The following C1RL variants were observed in gnomAD, a reference collection of about 807,000 sequenced individuals.
C1RL encodes complement C1r subcomponent-like protein.
Under a neutral mutation model 27.9 loss-of-function variants are expected in C1RL, and 27 were observed. The observed-to-expected ratio is 0.97, with a 90% CI of 0.71 to 1.33. The LOEUF is 1.33. C1RL is among the 40% of genes most tolerant of loss of function. The pLI, the probability that C1RL is intolerant of heterozygous loss-of-function variation, is 0.00. For synonymous variants in C1RL, 248 were observed against 252.1 expected, an observed-to-expected ratio of 0.98 and a Z score of 0.15; for missense variants, 563 against 623.9, an observed-to-expected ratio of 0.90 and a Z score of 1.04.
In C1RL at chr12:7,096,707, C is replaced by T. The variant is rs762191344; in HGVS notation, c.1148G>A (p.Gly383Asp). 2 of 1,613,952 alleles carry T rather than the reference C, an allele frequency of 1.2e-6. No homozygotes were observed. The highest frequency in any genetic ancestry group is 1.6e-4 in the Middle Eastern group (1 of 6,062). Residue 383 changes from glycine (G) to aspartate (D), a missense_variant, in exon 6 of 6, where the codon GGC (glycine) becomes GAC (aspartate). Physicochemically the swap from Gly to Asp is moderately conservative, Grantham distance 94. Transcript: ENST00000266542. ...GTACTTCAGCTCAGTAGTTAGCCAG[C>T]CCATCTCCATGCCAAACCCACTGAC... ...GYVSGFGMEMGWLTTELKYSR... is the reference protein window; with the variant it reads ...GYVSGFGMEMDWLTTELKYSR...
Position 7,096,949 on chromosome 12 carries a change from G to A in C1RL, c.906C>T (p.Phe302=). The change falls in exon 6 of 6, where the codon TTC becomes TTT. Residue 302 remains phenylalanine (F), a synonymous_variant. Transcript: ENST00000266542. ...SLRKNQSVNV[F]LGHTAIDEML... is the part of the protein sequence containing the mutation. ...TCTCATCTATGGCTGTGTGGCCCAA[G>A]AACACATTCACACTCTGGTTCTTCC... The A allele has an allele frequency of 6.2e-7, 1 of 1,613,072 alleles. No homozygotes were observed. The highest frequency in any genetic ancestry group is 8.5e-7 in the Non-Finnish European group (1 of 1,179,346).
Position 7,101,956 on chromosome 12 carries a change from G to A in C1RL, c.432C>T (p.Ser144=), listed in dbSNP as rs1938638949. The part of the protein sequence containing the change: ...SLRLTFRTQP[S]SENKTAHLHK... ...GGAGGTGGGCAGTCTTGTTCTCCGA[G>A]GAAGGCTGTGTGCGGAAGGTCAGCC... is the stretch of plus-strand genomic sequence containing the variant. The change falls in exon 3 of 6, where the codon TCC becomes TCT. Residue 144 remains serine, a synonymous_variant. Transcript: ENST00000266542. 2 of 1,614,128 alleles carry A rather than the reference G, an allele frequency of 1.2e-6. No individual in the cohort carries two copies. Among genetic ancestry groups the A allele is most frequent in the Admixed American group, 1.7e-5 (1 of 60,008 alleles).
At position 7,096,137 on chromosome 12, in the gene C1RL, G is replaced by C. The variant is rs1261282349; in HGVS notation, c.*254C>G. On this transcript the variant is annotated 3_prime_UTR_variant, in exon 6 of 6. Transcript: ENST00000266542. ...AGATGTACAGGCTTCCCGGGGCCTA[G>C]TGCATGAGCACAGGGAGGTAGAGGG... 6 of 1,273,782 alleles carry C rather than the reference G, an allele frequency of 4.7e-6. No individual in the cohort carries two copies. The highest frequency in any genetic ancestry group is 1.5e-5 in the African/African-American group (1 of 65,858). The allele number at this position is 1,273,782 out of a possible 1,614,324, so 78.9% of individuals were successfully genotyped here.
chr12:7,108,767 G>C (rs909108767), intron 1 of C1RL: 2 of 557,836 alleles, frequency 3.6e-6, no homozygotes, highest in Non-Finnish European at 6.3e-6. Flanking sequence ...TCCAAAGGAG[G>C]GGGGTGCTTT....
intron 5 of C1RL, 113 bp from the exon 6 acceptor site, chr12:7,097,276 T>A (rs1591595633): frequency 2.4e-6 from 2 of 846,620 alleles, no homozygotes; most frequent in Non-Finnish European, 1.7e-6. Context: ...GACTCTGGGA[T>A]CAGGACGTTT....
At position 7,104,602 on chromosome 12, in the gene C1RL, A is replaced by T. The variant is rs932822344; in HGVS notation, c.301-2515T>A. Among the ~76,000 whole-genome samples, 1 of 152,160 alleles carries T rather than the reference A, an allele frequency of 6.6e-6. No individual in the cohort carries two copies. The highest frequency in any genetic ancestry group is 2.1e-4 in the South Asian group (1 of 4,824). Reference sequence around the variant, plus strand: ...CAGTGTGAGTGAGTATGAGTGTGTGAGTGCGTCCTGAAACAGGATGGTGTC... The same window carrying T: ...CAGTGTGAGTGAGTATGAGTGTGTGTGTGCGTCCTGAAACAGGATGGTGTC... On this transcript the variant is annotated intron_variant, in intron 2 of 5. Transcript: ENST00000266542. This position sits in a 1 kb window ranked among gnomAD's most constrained non-coding sequence, Gnocchi z 5.4.
Position 7,099,719 on chromosome 12 carries a change from G to C in C1RL, c.658C>G (p.Gln220Glu). 1.3e-6 allele frequency: 2 copies of C among 1,562,174 alleles called. No individual in the cohort carries two copies. Among genetic ancestry groups the C allele is most frequent in the East Asian group, 2.4e-5 (1 of 42,266 alleles). The change falls in exon 5 of 6, where the codon CAG (glutamine) becomes GAG (glutamate). Residue 220 changes from glutamine to glutamate, a missense_variant. Gln to Glu is a conservative substitution (Grantham distance 29). Coordinates refer to ENST00000266542, the MANE Select transcript of C1RL (RefSeq NM_016546.4). The part of the protein sequence containing the change: ...CATPGTWKDR[Q>E]DGEEVLQCMP... ...CACTGAAGAACCTCCTCCCCATCCT[G>C]TCTGTCTTTCCAGGTCCCTGGGGTT...
chr12:7,104,735 T>G lies in C1RL; in HGVS notation c.301-2648A>C, dbSNP rs1015233585. Among the ~76,000 whole-genome samples the G allele has an allele frequency of 7.9e-5, 12 of 152,262 alleles. No homozygotes were observed. The highest frequency in any genetic ancestry group is 3.2e-3 in the Middle Eastern group (1 of 316). On this transcript the variant is annotated intron_variant, in intron 2 of 5. Coordinates refer to ENST00000266542, the MANE Select transcript of C1RL (RefSeq NM_016546.4). The surrounding 1 kb of genome is among the most constrained non-coding windows in gnomAD (Gnocchi z 5.4). ...GGTAAATAATCTTATTCGTTTTTAT[T>G]AACCTTTCTTACATGTAGGCATAGT...
At chr12:7,105,468 C>G (rs1336582803) in intron 2 of C1RL, among the ~76,000 whole-genome samples, 1 of 152,160 alleles carries the variant, frequency 6.6e-6, no homozygotes, top group Non-Finnish European at 1.5e-5. Flanking sequence ...CGGGGTTTCA[C>G]CATGTTGGCC....
chr12:7,100,240 C>T (rs1938578956), intron 3 of C1RL, among the ~76,000 whole-genome samples: 1 of 152,088 alleles, frequency 6.6e-6, no homozygotes, highest in Non-Finnish European at 1.5e-5. Flanking sequence ...ACAGGCACTT[C>T]CATATATGTT....
In C1RL at chr12:7,096,220, G is replaced by A. The variant is rs1162744570; in HGVS notation, c.*171C>T. On this transcript the variant is annotated 3_prime_UTR_variant, in exon 6 of 6. Transcript: ENST00000266542. Reference sequence around the variant, plus strand: ...TGTCTGGGATGGGGCGGGCTTGCCGGGTGGGGGTTTCTCTTGCAGTGGCTT... The same window carrying A: ...TGTCTGGGATGGGGCGGGCTTGCCGAGTGGGGGTTTCTCTTGCAGTGGCTT... 3.6e-6 allele frequency: 5 copies of A among 1,390,348 alleles called. No homozygotes were observed. In the African/African-American group the frequency reaches 7.3e-5, roughly 20 times the overall value. The allele number at this position is 1,390,348 out of a possible 1,614,324, so 86.1% of individuals were successfully genotyped here. A position where few individuals can be genotyped will look rare whatever the true frequency, so the allele number is the denominator to read the frequency against.
At chr12:7,099,498 C>A (rs1341468023) in intron 5 of C1RL, 188 bp downstream of exon 5, 1 of 979,142 alleles carries the variant, frequency 1.0e-6, no homozygotes, top group African/African-American at 1.8e-5. Context: ...ATATCTTGAC[C>A]CCTGAAGAAT....
chr12:7,108,391 A>T lies in C1RL; in HGVS notation c.160T>A (p.Ser54Thr). 6.2e-7 allele frequency: 1 copy of T among 1,613,818 alleles called. No individual in the cohort carries two copies. The highest frequency in any genetic ancestry group is 8.5e-7 in the Non-Finnish European group (1 of 1,179,896). Reference sequence around the variant, plus strand: ...CCATACGGCTCTGGGTACCCGGGGGATGTCAGCTGCTGGGGTAGCTCTTGG... The same window carrying T: ...CCATACGGCTCTGGGTACCCGGGGGTTGTCAGCTGCTGGGGTAGCTCTTGG... ...LAQELPQQLT[S>T]PGYPEPYGKG... Residue 54 changes from serine (S) to threonine (T), a missense_variant, in exon 2 of 6, where the codon TCC becomes ACC. Physicochemically the swap from Ser to Thr is moderately conservative, Grantham distance 58. Transcript: ENST00000266542.
At chr12:7,101,115 C>T (rs1391076230) in intron 3 of C1RL, among the ~76,000 whole-genome samples, 8 of 6,090 alleles carry the variant, frequency 1.3e-3, no homozygotes, top group South Asian at 0.026. Context: ...CCTTCCCTCC[C>T]TCCCTCCCTC....
In C1RL at chr12:7,095,411, G is replaced by T; in HGVS notation, c.*980C>A. On this transcript the variant is annotated 3_prime_UTR_variant, in exon 6 of 6. Transcript: ENST00000266542. ...TTACAGGCGTGAGCCACTGCGCCCG[G>T]CCCATCACCTCCAGGTTTTACTAAA... 2.0e-6 allele frequency: 2 copies of T among 999,746 alleles called. No homozygotes were observed. Among genetic ancestry groups the T allele is most frequent in the Non-Finnish European group, 2.4e-6 (2 of 837,680 alleles). 61.9% of individuals were successfully genotyped at this position (999,746 alleles called of 1,614,324 possible). A position where few individuals can be genotyped will look rare whatever the true frequency, so the allele number is the denominator to read the frequency against.
chr12:7,106,433 A>G (rs1249211824), intron 2 of C1RL, among the ~76,000 whole-genome samples: 1 of 152,234 alleles, frequency 6.6e-6, no homozygotes, highest in Non-Finnish European at 1.5e-5. Context: ...GAGTAAACCA[A>G]AAAAGAGAAA....
rs774722217 is a variant in C1RL at position 7,109,210 on chromosome 12, G to A, written c.-30C>T. 8.5e-6 allele frequency: 13 copies of A among 1,521,646 alleles called. No individual in the cohort carries two copies. The highest frequency in any genetic ancestry group is 1.2e-5 in the Non-Finnish European group (13 of 1,104,164). 94.3% of individuals were successfully genotyped at this position (1,521,646 alleles called of 1,614,324 possible). A position where few individuals can be genotyped will look rare whatever the true frequency, so the allele number is the denominator to read the frequency against. ...AACTGGACATCTGGGACCTGCGAGA[G>A]AACTGGCCCAGGATAGGGAACAAAA... is the stretch of plus-strand genomic sequence containing the variant. On this transcript the variant is annotated 5_prime_UTR_variant, in exon 1 of 6. Transcript: ENST00000266542.
In C1RL at chr12:7,095,466, C is replaced by G. The variant is rs778746424; in HGVS notation, c.*925G>C. On this transcript the variant is annotated 3_prime_UTR_variant, in exon 6 of 6. Coordinates refer to ENST00000266542, the MANE Select transcript of C1RL (RefSeq NM_016546.4). The stretch of plus-strand genomic sequence containing the variant: ...AAAGAGTTGGTCCTCTCAGGTGGAG[C>G]AGTTCCCCTGATGATAGGGGCACAG... 8.5e-5 allele frequency: 84 copies of G among 992,994 alleles called. No individual in the cohort carries two copies. The highest frequency in any genetic ancestry group is 9.9e-5 in the Non-Finnish European group (83 of 834,270). The allele number at this position is 992,994 out of a possible 1,614,324, so 61.5% of individuals were successfully genotyped here.
intron 3 of C1RL, 25 bp downstream of exon 3, chr12:7,101,873 C>T (rs1445457331): frequency 6.2e-7 from 1 of 1,606,384 alleles, no homozygotes; most frequent in Admixed American, 1.7e-5. Context: ...GGCTCCCTCC[C>T]TGCACCCCCA....
Sources: allele counts gnomAD v4.1 joint callset (sites outside exome capture counted in the v4.1 genomes callset), GRCh38; gene constraint gnomAD v4.1.1; non-coding constraint Gnocchi (gnomAD v3.1); transcripts MANE v1.5; gene names NCBI Gene and HGNC (gene_info 2026-07-23, HGNC 2026-07-21).